PIEZO2: variants seen among roughly 807,000 people sequenced by gnomAD.
PIEZO2 encodes piezo type mechanosensitive ion channel component 2, also known as piezo-type mechanosensitive ion channel component 2.
In PIEZO2, 172 loss-of-function variants were observed where a neutral mutation model predicts 337.3. That is an observed-to-expected ratio of 0.51 (90% CI 0.45 to 0.58). The LOEUF (loss-of-function observed/expected upper bound fraction) is 0.58. PIEZO2 is among the 20% of genes least tolerant of loss of function. PIEZO2 has a pLI of 0.00. For synonymous variants in PIEZO2, 1,251 were observed against 1,228.5 expected, an observed-to-expected ratio of 1.02 and a Z score of -0.38; for missense variants, 3,028 against 3,391.3, an observed-to-expected ratio of 0.89 and a Z score of 2.66.
intron 4 of PIEZO2, among the ~76,000 whole-genome samples, chr18:10,882,333 C>A (rs1414683515): frequency 6.6e-6 from 1 of 151,970 alleles, no homozygotes; most frequent in Non-Finnish European, 1.5e-5. Context: ...CTCCAGTTAC[C>A]CCCGGCCCAA....
chr18:10,937,930 A>T (rs1308979689), intron 3 of PIEZO2, among the ~76,000 whole-genome samples: 1 of 152,222 alleles, frequency 6.6e-6, no homozygotes, highest in African/African-American at 2.4e-5. Flanking sequence ...GTTCTGACAC[A>T]AATGGTGGGT....
chr18:10,703,234 G>T (rs1457894014), intron 42 of PIEZO2, among the ~76,000 whole-genome samples: 1 of 152,152 alleles, frequency 6.6e-6, no homozygotes, highest in African/African-American at 2.4e-5. Flanking sequence ...GTAAGAAAGG[G>T]AATTTGATAA....
rs556961649 is a variant in PIEZO2, at chr18:10,856,035, G to C, written c.704-469C>G. Among the ~76,000 whole-genome samples the C allele has an allele frequency of 1.3e-5, 2 of 151,598 alleles. No individual in the cohort carries two copies. Among genetic ancestry groups the C allele is most frequent in the Non-Finnish European group, 2.9e-5 (2 of 67,908 alleles). ...GCCAATTAAACTCTCACTGTGCCATGCTTATTTTATTTTATTTTGTTTTGT... is the reference window on the plus strand; with the variant it reads ...GCCAATTAAACTCTCACTGTGCCATCCTTATTTTATTTTATTTTGTTTTGT... On this transcript the variant is annotated intron_variant, in intron 6 of 55. Transcript: ENST00000674853. The surrounding 1 kb of genome is among the most constrained non-coding windows in gnomAD (Gnocchi z 4.7).
chr18:10,742,532 C>T lies in PIEZO2; in HGVS notation c.4598G>A (p.Gly1533Asp). The T allele has an allele frequency of 2.6e-6, 4 of 1,537,190 alleles. No individual in the cohort carries two copies. Among genetic ancestry groups the T allele is most frequent in the Non-Finnish European group, 3.5e-6 (4 of 1,146,894 alleles). The stretch of plus-strand genomic sequence containing the variant: ...TTCAGAGAGTTTTTGCATGTCCTGG[C>T]CTTCCCCTGGCTCCTGGGTCAAGCT... ...MLSLTQEPGE[G>D]QDMQKLSEED... The change falls in exon 32 of 56, where the codon GGC becomes GAC. Residue 1533 changes from glycine to aspartate, a missense_variant. By Grantham distance (94) the Gly-to-Asp change is moderately conservative (BLOSUM62 -1). Transcript: ENST00000674853.
At position 10,741,029 on chromosome 18, in the gene PIEZO2, A is replaced by C. The variant is rs1189625999; in HGVS notation, c.4708+2T>G. ...GGTTGTAAGGGGATCGAGAAAACCT[A>C]CTGGAAGCATGATCAACCCAAGGCC... On this transcript the variant is annotated splice_donor_variant, in intron 33 of 55. Coordinates refer to ENST00000674853, the MANE Select transcript of PIEZO2 (RefSeq NM_001378183.1). LOFTEE classifies it high-confidence loss of function. 2.0e-6 allele frequency: 3 copies of C among 1,537,232 alleles called. No homozygotes were observed. Among genetic ancestry groups the C allele is most frequent in the Non-Finnish European group, 2.6e-6 (3 of 1,146,880 alleles).
intron 1 of PIEZO2, among the ~76,000 whole-genome samples, chr18:11,135,030 T>C (rs1316930826): frequency 7.8e-6 from 1 of 128,394 alleles, no homozygotes; most frequent in Non-Finnish European, 1.7e-5. Flanking sequence ...AAGAAGAAAT[T>C]AAGTAAGCAA....
At chr18:11,142,778 C>CAAAAAAAAAA (rs11290889) in intron 1 of PIEZO2, among the ~76,000 whole-genome samples, 1 of 116,172 alleles carries the variant, frequency 8.6e-6, no homozygotes, top group Non-Finnish European at 1.7e-5. Flanking sequence ...GAGATTATCG[C>CAAAAAAAAAA]AAAAAAAAAA....
At chr18:10,709,925 A>AC (rs1286268826) in intron 39 of PIEZO2, among the ~76,000 whole-genome samples, 28 of 152,266 alleles carry the variant, frequency 1.8e-4, no homozygotes, top group Non-Finnish European at 2.8e-4. Flanking sequence ...GGCCTGGACA[A>AC]AATGAGGAGA....
chr18:11,115,723 C>G (rs1333825282), intron 1 of PIEZO2, among the ~76,000 whole-genome samples: 1 of 152,060 alleles, frequency 6.6e-6, no homozygotes, highest in Admixed American at 6.5e-5. Context: ...ATCTGAAATT[C>G]AGATTTAAGT....
At chr18:11,008,601 C>T (rs910624431) in intron 2 of PIEZO2, among the ~76,000 whole-genome samples, 1 of 152,220 alleles carries the variant, frequency 6.6e-6, no homozygotes, top group Non-Finnish European at 1.5e-5. Flanking sequence ...ACTGATGTCT[C>T]TGGACTTCTA....
rs867794377 is a variant in PIEZO2, at chr18:10,993,174, A to C, written c.161-13514T>G. 7.2e-5 allele frequency among the ~76,000 whole-genome samples: 11 copies of C among 152,314 alleles called. No homozygotes were observed. The South Asian group carries it at 1.2e-3, about 17-fold the overall frequency. On this transcript the variant is annotated intron_variant, in intron 2 of 55. Coordinates refer to ENST00000674853, the MANE Select transcript of PIEZO2 (RefSeq NM_001378183.1). This position sits in a 1 kb window ranked among gnomAD's most constrained non-coding sequence, Gnocchi z 5.0. ...ATACGACCATGTCATCTGCAAACAG[A>C]GACACTTTGACTTCCTCTTTTCCTA...
intron 4 of PIEZO2, among the ~76,000 whole-genome samples, chr18:10,900,519 T>C (rs1252158253): frequency 2.0e-5 from 3 of 152,190 alleles, no homozygotes; most frequent in Non-Finnish European, 4.4e-5. Context: ...TTGAACAAAA[T>C]CTAAGTCAGA....
Position 10,770,316 on chromosome 18 carries a change from AT to A in PIEZO2, c.2786-9del. ...GCCATTTGTTCCTTAAGTCTGCAAA[AT>A]AGGAAGTACAGACAAGAGCATAACA... On this transcript the variant is annotated splice_polypyrimidine_tract_variant and intron_variant, in intron 20 of 55. Transcript: ENST00000674853. The A allele has an allele frequency of 6.5e-7, 1 of 1,535,168 alleles. No individual in the cohort carries two copies. Among genetic ancestry groups the A allele is most frequent in the Non-Finnish European group, 8.7e-7 (1 of 1,145,846 alleles).
chr18:10,705,851 C>T, intron 40 of PIEZO2, 105 bp from the exon 41 acceptor site: 1 of 1,306,154 alleles, frequency 7.7e-7, no homozygotes, highest in Non-Finnish European at 1.0e-6. Flanking sequence ...AGGAAATGCC[C>T]CATTTTCCCC....
chr18:10,678,474 A>G (rs2034114344), intron 52 of PIEZO2, among the ~76,000 whole-genome samples: 2 of 152,082 alleles, frequency 1.3e-5, no homozygotes, highest in East Asian at 3.8e-4. Context: ...TAAATTTTAG[A>G]TGCCAGAAAG....
chr18:10,756,803 T>C (rs765326876), intron 27 of PIEZO2, among the ~76,000 whole-genome samples: 2 of 130,300 alleles, frequency 1.5e-5, no homozygotes, highest in African/African-American at 6.0e-5. Flanking sequence ...GGATGGAGAA[T>C]GAGGAGGAGG....
Position 11,133,776 on chromosome 18 carries a change from CT to C in PIEZO2, c.64+14748del, listed in dbSNP as rs555117121. 6.4e-3 allele frequency among the ~76,000 whole-genome samples: 970 copies of C among 150,446 alleles called. 17 individuals carry two copies. The highest frequency in any genetic ancestry group is 0.022 in the African/African-American group (913 of 41,190). The stretch of plus-strand genomic sequence containing the variant: ...GAACTTGTGATCGCGTAAGTTAATA[CT>C]TAATAAACTCCTCTCTCTATATATA... On this transcript the variant is annotated intron_variant, in intron 1 of 55. Coordinates refer to ENST00000674853, the MANE Select transcript of PIEZO2 (RefSeq NM_001378183.1).
At chr18:11,051,798 C>T (rs1786996925) in intron 2 of PIEZO2, among the ~76,000 whole-genome samples, 1 of 152,184 alleles carries the variant, frequency 6.6e-6, no homozygotes, top group African/African-American at 2.4e-5. Context: ...CTGAAAAGGG[C>T]TCTGGACTTT....
intron 2 of PIEZO2, among the ~76,000 whole-genome samples, chr18:11,042,031 C>T (rs1035283098): frequency 1.3e-5 from 2 of 152,210 alleles, no homozygotes; most frequent in Non-Finnish European, 2.9e-5. Context: ...AGATTACTTG[C>T]TGAAGGCCAA....
Sources: allele counts gnomAD v4.1 joint callset (sites outside exome capture counted in the v4.1 genomes callset), GRCh38; gene constraint gnomAD v4.1.1; non-coding constraint Gnocchi (gnomAD v3.1); transcripts MANE v1.5; gene names NCBI Gene and HGNC (gene_info 2026-07-23, HGNC 2026-07-21).